The following HERC3 variants were observed in gnomAD, a reference collection of about 807,000 sequenced individuals.
The protein encoded by HERC3 is HECT and RLD domain containing E3 ubiquitin protein ligase 3, also known as probable E3 ubiquitin-protein ligase HERC3.
A neutral mutation model predicts 129.9 loss-of-function variants in HERC3; 58 were observed. The observed-to-expected ratio is 0.45, with a 90% CI of 0.36 to 0.56. HERC3 has a LOEUF of 0.56. Ranked by LOEUF, HERC3 falls within the 20% of genes least tolerant of loss-of-function variation. The pLI, the probability that HERC3 is intolerant of heterozygous loss-of-function variation, is 0.00. For missense variants in HERC3, 835 were observed against 1,244.2 expected, an observed-to-expected ratio of 0.67 and a Z score of 4.95; for synonymous variants, 430 against 451.0, an observed-to-expected ratio of 0.95 and a Z score of 0.59.
chr4:88,602,661 G>A (rs1485751245), intron 2 of HERC3, among the ~76,000 whole-genome samples: 1 of 151,886 alleles, frequency 6.6e-6, no homozygotes, highest in Non-Finnish European at 1.5e-5. Flanking sequence ...TTTATTTTTT[G>A]TGGAGATAAG....
intron 11 of HERC3, among the ~76,000 whole-genome samples, chr4:88,662,758 C>T (rs1053703326): frequency 1.3e-5 from 2 of 152,126 alleles, no homozygotes; most frequent in Non-Finnish European, 2.9e-5. Flanking sequence ...CCCCAATTCT[C>T]ACACACAGTA....
intron 16 of HERC3, among the ~76,000 whole-genome samples, chr4:88,674,617 A>G (rs1731965483): frequency 6.6e-6 from 1 of 152,172 alleles, no homozygotes; most frequent in African/African-American, 2.4e-5. Flanking sequence ...CAGGATGCTT[A>G]TATCTTTTGT....
chr4:88,677,060 G>C (rs1021830496), intron 18 of HERC3, among the ~76,000 whole-genome samples: 1 of 152,066 alleles, frequency 6.6e-6, no homozygotes. Flanking sequence ...ACTTGAACCC[G>C]GGATGTGGAG....
chr4:88,658,443 G>T lies in HERC3; in HGVS notation c.1098G>T (p.Gln366His). 1 of 1,604,198 alleles carries T rather than the reference G, an allele frequency of 6.2e-7. No individual in the cohort carries two copies. Among genetic ancestry groups the T allele is most frequent in the African/African-American group, 1.3e-5 (1 of 74,608 alleles). ...GCTTTAAATATCATATCGTTAAGCA[G>T]ATCTTCTCTGGAGGAGACCAGACTT... ...ADRFKYHIVK[Q>H]IFSGGDQTFV... The change falls in exon 10 of 26, where the codon CAG becomes CAT. Residue 366 changes from glutamine (Q) to histidine (H), a missense_variant. By Grantham distance (24) the Gln-to-His change is conservative. Transcript: ENST00000402738.
chr4:88,568,632 A>G, the HERC3 span, among the ~76,000 whole-genome samples: 3 of 152,120 alleles, frequency 2.0e-5, no homozygotes, highest in East Asian at 5.8e-4. Context: ...TTGTGTGGGT[A>G]CCACTGATGT....
chr4:88,585,085 A>G, the HERC3 span, among the ~76,000 whole-genome samples: 32 of 152,350 alleles, frequency 2.1e-4, no homozygotes, highest in East Asian at 5.8e-3. Context: ...TGGTTCACAG[A>G]TGATGACTTC....
chr4:88,673,406 A>G (rs563378994), intron 16 of HERC3, among the ~76,000 whole-genome samples: 1 of 152,092 alleles, frequency 6.6e-6, no homozygotes, highest in East Asian at 1.9e-4. Flanking sequence ...GATATTCCCA[A>G]TTTTTCTGTT....
intron 3 of HERC3, among the ~76,000 whole-genome samples, chr4:88,626,470 ATTAT>A (rs1028988626): frequency 6.6e-6 from 1 of 152,020 alleles, no homozygotes; most frequent in African/African-American, 2.4e-5. Context: ...ATTTTACTTT[ATTAT>A]TTGTTTTTTC....
chr4:88,524,113 T>C, the HERC3 span, among the ~76,000 whole-genome samples: 3 of 152,238 alleles, frequency 2.0e-5, no homozygotes, highest in Non-Finnish European at 2.9e-5. Context: ...CACACTGTTA[T>C]GTATTGTACC....
intron 19 of HERC3, among the ~76,000 whole-genome samples, 192 bp downstream of exon 19, chr4:88,678,326 G>A (rs10027911): frequency 0.034 from 5,243 of 152,278 alleles, 116 homozygotes; most frequent in Middle Eastern, 0.12. Flanking sequence ...AAAAATGCCA[G>A]TGGATTATTT....
At chr4:88,642,491 A>G (rs1728229519) in intron 3 of HERC3, among the ~76,000 whole-genome samples, 2 of 152,222 alleles carry the variant, frequency 1.3e-5, no homozygotes, top group Admixed American at 1.3e-4. Flanking sequence ...TGCTATAACA[A>G]AAATATCACA....
chr4:88,627,289 G>A (rs1726204472), intron 3 of HERC3, among the ~76,000 whole-genome samples: 1 of 151,190 alleles, frequency 6.6e-6, no homozygotes, highest in Non-Finnish European at 1.5e-5. Flanking sequence ...TCTGCATCAT[G>A]GATTCAAGCA....
chr4:88,562,604 A>T, the HERC3 span, among the ~76,000 whole-genome samples: 2 of 152,116 alleles, frequency 1.3e-5, no homozygotes, highest in Non-Finnish European at 2.9e-5. Flanking sequence ...AGTTTTCCCA[A>T]TATTTTCTTG....
At chr4:88,606,801 C>A (rs1723696009) in intron 3 of HERC3, among the ~76,000 whole-genome samples, 1 of 152,122 alleles carries the variant, frequency 6.6e-6, no homozygotes, top group Non-Finnish European at 1.5e-5. Flanking sequence ...TGGATCCCTC[C>A]CATAACATGT....
intron 2 of HERC3, among the ~76,000 whole-genome samples, chr4:88,602,660 T>C (rs186623335): frequency 1.3e-5 from 2 of 152,172 alleles, no homozygotes; most frequent in Non-Finnish European, 2.9e-5. Flanking sequence ...TTTTATTTTT[T>C]GTGGAGATAA....
At chr4:88,642,487 A>G (rs1728228810) in intron 3 of HERC3, among the ~76,000 whole-genome samples, 1 of 152,236 alleles carries the variant, frequency 6.6e-6, no homozygotes, top group East Asian at 1.9e-4. Context: ...GGGGTGCTAT[A>G]ACAAAAATAT....
intron 23 of HERC3, among the ~76,000 whole-genome samples, chr4:88,687,798 G>T (rs1240050436): frequency 1.3e-5 from 2 of 152,200 alleles, no homozygotes; most frequent in Non-Finnish European, 2.9e-5. Flanking sequence ...TTTTACTGCT[G>T]ATTGATTTGT....
chr4:88,556,638 A>G, the HERC3 span, among the ~76,000 whole-genome samples: 1 of 151,934 alleles, frequency 6.6e-6, no homozygotes, highest in Non-Finnish European at 1.5e-5. Context: ...TCCTAATATC[A>G]TTACTGACCT....
the HERC3 span, among the ~76,000 whole-genome samples, chr4:88,570,307 C>G: frequency 1.3e-5 from 2 of 152,062 alleles, no homozygotes; most frequent in Non-Finnish European, 2.9e-5. Context: ...ACAACCCTGA[C>G]AAGTGTGGAT....
Sources: gnomAD v4.1 joint callset for allele counts (sites outside exome capture counted in the v4.1 genomes callset) on GRCh38, gnomAD v4.1.1 for gene constraint, MANE v1.5 for transcripts, NCBI Gene and HGNC (gene_info 2026-07-23, HGNC 2026-07-21) for gene names.